The following GALNT13 variants were observed in gnomAD, a reference collection of about 807,000 sequenced individuals.
GALNT13 encodes UDP-GalNAc:polypeptide N-acetylgalactosaminyltransferase 13.
In GALNT13, 28 loss-of-function variants were observed where a neutral mutation model predicts 64.2. The ratio of observed to expected loss-of-function variants is 0.44; its 90% CI spans 0.32 to 0.60. GALNT13 has a LOEUF of 0.60. GALNT13 is among the 20% of genes least tolerant of loss of function. The pLI, the probability that GALNT13 is intolerant of heterozygous loss-of-function variation, is 0.05. For synonymous variants in GALNT13, 214 were observed against 224.6 expected (o/e 0.95, Z 0.42); for missense variants, 577 against 669.8 (o/e 0.86, Z 1.53).
chr2:154,283,594 AT>A, intron 8 of GALNT13, among the ~76,000 whole-genome samples: 2 of 146,196 alleles, frequency 1.4e-5, no homozygotes, highest in African/African-American at 5.0e-5. Context: ...AAAAAAAAAA[AT>A]TATACTTCAG....
chr2:153,084,633 A>G, the GALNT13 span, among the ~76,000 whole-genome samples: 1 of 152,180 alleles, frequency 6.6e-6, no homozygotes, highest in Non-Finnish European at 1.5e-5. Context: ...TGATGGCTTT[A>G]TAAATGGGAG....
the GALNT13 span, chr2:153,478,567 G>A: frequency 1.3e-6 from 2 of 1,566,678 alleles, no homozygotes; most frequent in African/African-American, 1.4e-5. Flanking sequence ...CGGATTCATC[G>A]CAGGAACGGG....
chr2:153,174,759 T>C, the GALNT13 span, among the ~76,000 whole-genome samples: 1 of 152,204 alleles, frequency 6.6e-6, no homozygotes, highest in Non-Finnish European at 1.5e-5. Context: ...TAGTCTCCAG[T>C]AACATGTTTT....
the GALNT13 span, among the ~76,000 whole-genome samples, chr2:153,859,908 A>G: frequency 6.6e-6 from 1 of 152,188 alleles, no homozygotes; most frequent in African/African-American, 2.4e-5. Context: ...ATAGTTTTAT[A>G]GGAAGGTGTA....
intron 6 of GALNT13, 24 bp from the exon 7 acceptor site, chr2:154,245,788 A>G (rs761680115): frequency 6.7e-7 from 1 of 1,496,368 alleles, no homozygotes; most frequent in South Asian, 1.2e-5. Flanking sequence ...ATGTGTCTAT[A>G]AATTGGTTTT....
chr2:153,698,592 C>G, the GALNT13 span, among the ~76,000 whole-genome samples: 2 of 152,146 alleles, frequency 1.3e-5, 1 homozygote, highest in South Asian at 4.1e-4. Flanking sequence ...ATTCATAAAA[C>G]AAGCTCTTAC....
At chr2:153,924,302 A>G (rs942344054) in intron 2 of GALNT13, among the ~76,000 whole-genome samples, 1 of 151,014 alleles carries the variant, frequency 6.6e-6, no homozygotes, top group Non-Finnish European at 1.5e-5. Context: ...ATAAATGAGA[A>G]CATGTGATAT....
chr2:153,739,330 T>G, the GALNT13 span, among the ~76,000 whole-genome samples: 1 of 151,574 alleles, frequency 6.6e-6, no homozygotes, highest in East Asian at 1.9e-4. Flanking sequence ...AATTAACAAC[T>G]GCTTTTTTTG....
the GALNT13 span, among the ~76,000 whole-genome samples, chr2:153,155,605 T>C: frequency 2.0e-5 from 3 of 152,170 alleles, no homozygotes; most frequent in Non-Finnish European, 4.4e-5. Context: ...TATTTGAATC[T>C]TCTCTCTTTT....
the GALNT13 span, among the ~76,000 whole-genome samples, chr2:153,431,976 C>T: frequency 1.3e-5 from 2 of 152,124 alleles, no homozygotes; most frequent in Non-Finnish European, 2.9e-5. Context: ...TATGCAAGAA[C>T]ATTTTAAACT....
chr2:153,150,522 G>C, the GALNT13 span, among the ~76,000 whole-genome samples: 1 of 152,056 alleles, frequency 6.6e-6, no homozygotes, highest in Non-Finnish European at 1.5e-5. Context: ...CATTGCTTTG[G>C]TGTTTTAGAC....
chr2:153,616,965 C>A, the GALNT13 span, among the ~76,000 whole-genome samples: 1 of 151,906 alleles, frequency 6.6e-6, no homozygotes, highest in Non-Finnish European at 1.5e-5. Context: ...ATCATTACAG[C>A]TAAAGAAAGA....
chr2:153,523,071 G>A, the GALNT13 span, among the ~76,000 whole-genome samples: 1 of 84,262 alleles, frequency 1.2e-5, no homozygotes, highest in African/African-American at 5.8e-5. Context: ...TTTTTTGCAT[G>A]TGGGTGTCCA....
At chr2:154,178,472 G>A (rs1033335646) in intron 4 of GALNT13, among the ~76,000 whole-genome samples, 38 of 151,458 alleles carry the variant, frequency 2.5e-4, no homozygotes, top group African/African-American at 8.2e-4. Flanking sequence ...GTTAAATGAC[G>A]AGTTAATGGG....
At chr2:153,175,902 T>C in the GALNT13 span, among the ~76,000 whole-genome samples, 13 of 152,010 alleles carry the variant, frequency 8.6e-5, no homozygotes, top group Non-Finnish European at 1.9e-4. Context: ...GAAACTTCAC[T>C]GGGGGGAGTA....
At chr2:154,109,101 G>C (rs182153494) in intron 3 of GALNT13, among the ~76,000 whole-genome samples, 1 of 151,952 alleles carries the variant, frequency 6.6e-6, no homozygotes, top group African/African-American at 2.4e-5. Context: ...GATAGAGATC[G>C]CATTAAGTGT....
At chr2:154,106,341 G>A (rs1019419269) in intron 3 of GALNT13, among the ~76,000 whole-genome samples, 1 of 151,918 alleles carries the variant, frequency 6.6e-6, no homozygotes, top group African/African-American at 2.4e-5. Flanking sequence ...GATGCATTTT[G>A]AATTCATTTG....
At chr2:153,898,337 G>A (rs543042344) in intron 1 of GALNT13, among the ~76,000 whole-genome samples, 4 of 152,198 alleles carry the variant, frequency 2.6e-5, no homozygotes, top group Non-Finnish European at 4.4e-5. Context: ...TCCTCAGAAT[G>A]CCAGTCCATA....
chr2:153,258,408 AC>A, the GALNT13 span, among the ~76,000 whole-genome samples: 1 of 151,838 alleles, frequency 6.6e-6, no homozygotes, highest in Non-Finnish European at 1.5e-5. Flanking sequence ...ACAAAACCCA[AC>A]TTTTCATTTT....
Sources: allele counts gnomAD v4.1 joint callset (sites outside exome capture counted in the v4.1 genomes callset), GRCh38; gene constraint gnomAD v4.1.1; transcripts MANE v1.5; gene names NCBI Gene and HGNC (gene_info 2026-07-23, HGNC 2026-07-21).